COL23A1: variants seen among roughly 807,000 people sequenced by gnomAD.
The protein encoded by COL23A1 is collagen type XXIII alpha 1 chain, also known as collagen alpha-1(XXIII) chain.
A neutral mutation model predicts 99.3 loss-of-function variants in COL23A1; 97 were observed. The ratio of observed to expected loss-of-function variants is 0.98; its 90% CI spans 0.83 to 1.16. The LOEUF (loss-of-function observed/expected upper bound fraction) is 1.16. COL23A1 is among the 50% of genes most tolerant of loss of function. The pLI is 0.00. For missense variants in COL23A1, 762 were observed against 757.4 expected (o/e 1.01, Z -0.07); for synonymous variants, 320 against 308.2 (o/e 1.04, Z -0.40).
At position 178,265,783 on chromosome 5, in the gene COL23A1, C is replaced by T. The variant is rs1755855628; in HGVS notation, c.522+1524G>A. ...GGCAGGAAGGTGATCTGAAGAACTA[C>T]AAGGCTTTTTGAAACCTGGAGGCAA... On this transcript the variant is annotated intron_variant, in intron 8 of 28. Transcript: ENST00000390654. The T allele has an allele frequency of 4.5e-6, 4 of 897,636 alleles. No individual in the cohort carries two copies. In the South Asian group the frequency reaches 2.0e-4, roughly 46 times the overall value. 55.6% of individuals were successfully genotyped at this position (897,636 alleles called of 1,614,324 possible).
intron 2 of COL23A1, among the ~76,000 whole-genome samples, chr5:178,320,707 A>AC (rs1433809058): frequency 6.6e-6 from 1 of 151,564 alleles, no homozygotes; most frequent in Non-Finnish European, 1.5e-5. Context: ...CTTCTTTTTG[A>AC]CCCCCAGGGC....
At chr5:178,519,423 A>G (rs1244134371) in intron 2 of COL23A1, among the ~76,000 whole-genome samples, 4 of 152,194 alleles carry the variant, frequency 2.6e-5, no homozygotes, top group Non-Finnish European at 4.4e-5. Flanking sequence ...TCCAGGAGCA[A>G]TACAGCAGGG....
intron 2 of COL23A1, among the ~76,000 whole-genome samples, chr5:178,345,617 C>T (rs1306402738): frequency 2.0e-5 from 3 of 151,556 alleles, no homozygotes; most frequent in Admixed American, 6.6e-5. Flanking sequence ...CCTGGGTTCA[C>T]GCCATTCTCC....
chr5:178,411,679 G>A (rs1269504359), intron 2 of COL23A1, among the ~76,000 whole-genome samples: 5 of 152,162 alleles, frequency 3.3e-5, no homozygotes, highest in Non-Finnish European at 7.3e-5. Flanking sequence ...GTTCTTTTGC[G>A]GTGATGAAAG....
At chr5:178,312,694 C>T (rs190327169) in intron 2 of COL23A1, among the ~76,000 whole-genome samples, 74 of 152,232 alleles carry the variant, frequency 4.9e-4, no homozygotes, top group African/African-American at 1.7e-3. Context: ...ACAGCCTGCC[C>T]AGGCCTCTCC....
chr5:178,357,738 A>ATGTATATGTATG (rs1561894476), intron 2 of COL23A1, among the ~76,000 whole-genome samples: 3 of 124,470 alleles, frequency 2.4e-5, no homozygotes, highest in Admixed American at 8.2e-5. Flanking sequence ...GTGTGTGTGT[A>ATGTATATGTATG]TGTACGTGTA....
rs1333797290 is a variant in COL23A1, at chr5:178,306,916, G to A, written c.365C>T (p.Pro122Leu). The change falls in exon 3 of 29, where the codon CCC becomes CTC. Residue 122 changes from proline to leucine, a missense_variant. Transcript: ENST00000390654. The surrounding 1 kb of genome is among the most constrained non-coding windows in gnomAD (Gnocchi z 4.1). Reference protein sequence around the residue: ...APSECVCPPGPPGRRGKPGRR... With the variant: ...APSECVCPPGLPGRRGKPGRR... ...CCCAGGCTTGCCGCGCCGTCCAGGG[G>A]GCCCTAGACAGGAAAACAAGAATGC... 6.5e-7 allele frequency: 1 copy of A among 1,533,506 alleles called. No homozygotes were observed. Among genetic ancestry groups the A allele is most frequent in the Non-Finnish European group, 8.8e-7 (1 of 1,139,946 alleles). 95.0% of individuals were successfully genotyped at this position (1,533,506 alleles called of 1,614,324 possible).
At chr5:178,345,039 T>C in intron 2 of COL23A1, 1 of 582,648 alleles carries the variant, frequency 1.7e-6, no homozygotes, top group South Asian at 1.5e-5. Flanking sequence ...CCTGGAGATC[T>C]CCAGAGTCAT....
intron 2 of COL23A1, among the ~76,000 whole-genome samples, chr5:178,352,831 A>T (rs1761404475): frequency 6.6e-6 from 1 of 152,206 alleles, no homozygotes; most frequent in Non-Finnish European, 1.5e-5. Flanking sequence ...GTGTAGAACC[A>T]GGCCCAGCAC....
chr5:178,363,882 C>T (rs1033590356), intron 2 of COL23A1, among the ~76,000 whole-genome samples: 2 of 152,250 alleles, frequency 1.3e-5, no homozygotes, highest in African/African-American at 4.8e-5. Flanking sequence ...CACAACCCAT[C>T]TGGGTGTGGA....
chr5:178,274,365 G>C (rs1005264059), intron 5 of COL23A1, among the ~76,000 whole-genome samples: 5 of 152,238 alleles, frequency 3.3e-5, no homozygotes, highest in African/African-American at 1.2e-4. Context: ...TCAGGGAAGG[G>C]CCTGGGGCTG....
chr5:178,544,369 A>C lies in COL23A1; in HGVS notation c.361+16313T>G, dbSNP rs1318947589. On this transcript the variant is annotated intron_variant, in intron 2 of 28. Transcript: ENST00000390654. The surrounding 1 kb of genome is among the most constrained non-coding windows in gnomAD (Gnocchi z 4.4). The stretch of plus-strand genomic sequence containing the variant: ...AAGTCGGCGGATGCGCACTTCAGGG[A>C]GGACGCAGGCGCAGGGCCGGGGAGC... Among the ~76,000 whole-genome samples the C allele has an allele frequency of 1.3e-5, 2 of 152,192 alleles. No individual in the cohort carries two copies. The highest frequency in any genetic ancestry group is 6.5e-5 in the Admixed American group (1 of 15,278).
At chr5:178,400,555 A>G (rs1764392036) in intron 2 of COL23A1, among the ~76,000 whole-genome samples, 1 of 152,162 alleles carries the variant, frequency 6.6e-6, no homozygotes, top group Admixed American at 6.5e-5. Context: ...ACATAACATA[A>G]AAGTTACCAT....
intron 2 of COL23A1, among the ~76,000 whole-genome samples, chr5:178,390,285 G>A (rs774292763): frequency 6.6e-6 from 1 of 152,236 alleles, no homozygotes; most frequent in Non-Finnish European, 1.5e-5. Context: ...GAGACTGTCT[G>A]GATCATGTGG....
At chr5:178,490,357 T>A (rs928001907) in intron 2 of COL23A1, among the ~76,000 whole-genome samples, 2 of 151,910 alleles carry the variant, frequency 1.3e-5, no homozygotes, top group African/African-American at 4.8e-5. Context: ...AAAGGATAAA[T>A]ACCGTAGAAT....
intron 5 of COL23A1, among the ~76,000 whole-genome samples, chr5:178,278,576 C>T (rs1161189916): frequency 2.6e-5 from 4 of 152,134 alleles, no homozygotes; most frequent in South Asian, 2.1e-4. Flanking sequence ...CACTTGCCGG[C>T]GGCTGCAAGC....
chr5:178,291,188 C>T (rs2127587158), intron 3 of COL23A1, among the ~76,000 whole-genome samples: 1 of 152,332 alleles, frequency 6.6e-6, no homozygotes, highest in South Asian at 2.1e-4. Context: ...GCTGCCAAAC[C>T]AGACCCCGAA....
chr5:178,355,587 CAG>C (rs1761598512), intron 2 of COL23A1, among the ~76,000 whole-genome samples: 1 of 152,148 alleles, frequency 6.6e-6, no homozygotes, highest in Admixed American at 6.5e-5. Flanking sequence ...GGCTGGAGTG[CAG>C]TGGTGCGATC....
intron 2 of COL23A1, among the ~76,000 whole-genome samples, chr5:178,327,934 T>G (rs1047964879): frequency 6.6e-6 from 1 of 152,190 alleles, no homozygotes; most frequent in African/African-American, 2.4e-5. Flanking sequence ...CAAGCCCTGC[T>G]GTGTCTCAGC....
Sources: gnomAD v4.1 joint callset for allele counts (sites outside exome capture counted in the v4.1 genomes callset) on GRCh38, gnomAD v4.1.1 for gene constraint, Gnocchi (gnomAD v3.1) non-coding constraint, MANE v1.5 for transcripts, NCBI Gene and HGNC (gene_info 2026-07-23, HGNC 2026-07-21) for gene names.